Variants in SYT1 observed in about 807,000 individuals in gnomAD.
SYT1 encodes the protein synaptotagmin 1.
Under a neutral mutation model 44.8 loss-of-function variants are expected in SYT1, and 8 were observed. That is an observed-to-expected ratio of 0.18 (90% CI 0.10 to 0.32). The LOEUF is 0.32. Among genes scored for constraint, SYT1 ranks in the 10% least tolerant of loss-of-function variants. The pLI is 1.00. For synonymous variants in SYT1, 154 were observed against 188.8 expected (o/e 0.82, Z 1.51); for missense variants, 286 against 509.3 (o/e 0.56, Z 4.22).
chr12:79,163,133 G>A (rs149866439), intron 3 of SYT1, among the ~76,000 whole-genome samples: 9 of 152,180 alleles, frequency 5.9e-5, no homozygotes, highest in South Asian at 2.1e-4. Flanking sequence ...ACCCAGAGAC[G>A]TCACACTGAG....
chr12:78,866,416 CT>C (rs1308175595), intron 1 of SYT1, among the ~76,000 whole-genome samples: 1 of 152,060 alleles, frequency 6.6e-6, no homozygotes, highest in Non-Finnish European at 1.5e-5. Context: ...TTTAAAAATC[CT>C]GAAGGGGAAA....
chr12:79,136,442 C>A (rs545178048), intron 3 of SYT1, among the ~76,000 whole-genome samples: 37 of 152,318 alleles, frequency 2.4e-4, no homozygotes, highest in Admixed American at 1.9e-3. Context: ...ATTTTGCCAA[C>A]CTTGACCAGC....
chr12:79,136,141 C>T (rs1869176517), intron 3 of SYT1, among the ~76,000 whole-genome samples: 1 of 152,122 alleles, frequency 6.6e-6, no homozygotes, highest in South Asian at 2.1e-4. Context: ...TAGAAAATTA[C>T]TTAATTTTGA....
At chr12:79,005,892 A>T (rs1447530390) in intron 2 of SYT1, among the ~76,000 whole-genome samples, 1 of 152,132 alleles carries the variant, frequency 6.6e-6, no homozygotes, top group Non-Finnish European at 1.5e-5. Flanking sequence ...CACCATGGAA[A>T]CACTTCAACA....
intron 1 of SYT1, among the ~76,000 whole-genome samples, chr12:78,870,024 C>A (rs567764187): frequency 5.1e-4 from 77 of 152,164 alleles, no homozygotes; most frequent in African/African-American, 1.8e-3. Flanking sequence ...ATAAAACACG[C>A]CTTCTATTTC....
At chr12:79,104,982 C>T (rs891576273) in intron 3 of SYT1, among the ~76,000 whole-genome samples, 2 of 152,032 alleles carry the variant, frequency 1.3e-5, no homozygotes, top group Non-Finnish European at 2.9e-5. Context: ...TAGAACAAAA[C>T]GGCGGTGGGA....
intron 1 of SYT1, among the ~76,000 whole-genome samples, chr12:78,911,504 A>C (rs528658479): frequency 2.2e-5 from 3 of 138,598 alleles, no homozygotes; most frequent in African/African-American, 8.4e-5. Context: ...GACTAAAATA[A>C]GGCAAATATG....
intron 1 of SYT1, among the ~76,000 whole-genome samples, chr12:78,875,509 G>T (rs1291225899): frequency 6.6e-6 from 1 of 151,540 alleles, no homozygotes; most frequent in Non-Finnish European, 1.5e-5. Context: ...AAAGCACTGG[G>T]GTCAAATGAA....
At chr12:79,310,571 T>A (rs539136367) in intron 8 of SYT1, among the ~76,000 whole-genome samples, 143 of 152,318 alleles carry the variant, frequency 9.4e-4, no homozygotes, top group African/African-American at 3.1e-3. Flanking sequence ...GGTAGCTTGA[T>A]GGGAATGGCA....
At chr12:78,873,008 C>A (rs1378940832) in intron 1 of SYT1, among the ~76,000 whole-genome samples, 4 of 151,610 alleles carry the variant, frequency 2.6e-5, no homozygotes, top group African/African-American at 9.7e-5. Context: ...GCATGTTTTT[C>A]TTTATTTTCT....
chr12:79,266,354 TACTC>T (rs1878125270), intron 4 of SYT1, among the ~76,000 whole-genome samples: 1 of 152,132 alleles, frequency 6.6e-6, no homozygotes, highest in South Asian at 2.1e-4. Context: ...TATATGGTAT[TACTC>T]AGGTAGACAT....
intron 3 of SYT1, among the ~76,000 whole-genome samples, chr12:79,095,942 A>G (rs1275806236): frequency 6.6e-6 from 1 of 151,960 alleles, no homozygotes; most frequent in Non-Finnish European, 1.5e-5. Flanking sequence ...ATGAGACTCA[A>G]AAAAGAGCCT....
chr12:78,905,472 A>G (rs1875924517), intron 1 of SYT1, among the ~76,000 whole-genome samples: 2 of 152,104 alleles, frequency 1.3e-5, no homozygotes, highest in Admixed American at 1.3e-4. Flanking sequence ...TAATAGCTAA[A>G]TTGTCTTGAA....
chr12:79,138,006 A>C (rs1869311091), intron 3 of SYT1, among the ~76,000 whole-genome samples: 1 of 152,220 alleles, frequency 6.6e-6, no homozygotes, highest in Admixed American at 6.5e-5. Flanking sequence ...ACCCCAGCAC[A>C]TACCTACTTA....
At chr12:79,028,196 CA>C (rs963203241) in intron 2 of SYT1, among the ~76,000 whole-genome samples, 17 of 151,444 alleles carry the variant, frequency 1.1e-4, no homozygotes, top group African/African-American at 3.9e-4. Context: ...AAAGCCTCTT[CA>C]AATTTTCTGT....
chr12:79,181,175 T>C (rs1565843472), intron 3 of SYT1, among the ~76,000 whole-genome samples: 1 of 152,124 alleles, frequency 6.6e-6, no homozygotes, highest in African/African-American at 2.4e-5. Flanking sequence ...GAGAATGGAC[T>C]AATCCATCGT....
chr12:79,431,631 C>T (rs1869793998), intron 9 of SYT1, among the ~76,000 whole-genome samples: 1 of 151,712 alleles, frequency 6.6e-6, no homozygotes, highest in African/African-American at 2.4e-5. Context: ...GCAACCTCTG[C>T]CTCCTGGGTT....
intron 3 of SYT1, among the ~76,000 whole-genome samples, chr12:79,213,478 G>T (rs941248045): frequency 6.6e-5 from 10 of 152,164 alleles, no homozygotes. Context: ...TATGAAATGG[G>T]TGATAATTAT....
chr12:79,153,005 C>A (rs1438076964), intron 3 of SYT1, among the ~76,000 whole-genome samples: 3 of 151,632 alleles, frequency 2.0e-5, no homozygotes, highest in Non-Finnish European at 2.9e-5. Flanking sequence ...ATATTCAAGA[C>A]CCTTTAATTT....
Sources: allele counts gnomAD v4.1 joint callset (sites outside exome capture counted in the v4.1 genomes callset), GRCh38; gene constraint gnomAD v4.1.1; transcripts MANE v1.5; gene names NCBI Gene and HGNC (gene_info 2026-07-23, HGNC 2026-07-21).